Variants in TSHR observed in about 807,000 individuals in gnomAD.
TSHR encodes the protein thyroid stimulating hormone receptor.
Under a neutral mutation model 64.1 loss-of-function variants are expected in TSHR, and 51 were observed. The observed-to-expected ratio is 0.80, with a 90% CI of 0.64 to 1.01. The LOEUF (loss-of-function observed/expected upper bound fraction) is 1.01. TSHR is among the 50% of genes least tolerant of loss of function. TSHR has a pLI of 0.00. For missense variants in TSHR, 877 were observed against 942.8 expected (o/e 0.93, Z 0.91); for synonymous variants, 361 against 361.9 (o/e 1.00, Z 0.03).
intron 1 of TSHR, among the ~76,000 whole-genome samples, chr14:81,015,533 G>T (rs1306950355): frequency 2.0e-5 from 3 of 151,892 alleles, no homozygotes; most frequent in African/African-American, 7.3e-5. Flanking sequence ...TGTATTTATG[G>T]TGTACAACGT....
intron 1 of TSHR, among the ~76,000 whole-genome samples, chr14:81,004,926 C>T (rs1889515983): frequency 6.6e-6 from 1 of 152,202 alleles, no homozygotes. Flanking sequence ...CCTCATTTCT[C>T]TCCTACCTGG....
At chr14:81,101,460 T>A (rs1434104361) in intron 7 of TSHR, among the ~76,000 whole-genome samples, 3 of 152,226 alleles carry the variant, frequency 2.0e-5, no homozygotes, top group Non-Finnish European at 4.4e-5. Context: ...TTCTATAGCA[T>A]ATTTCTGGTC....
intron 1 of TSHR, among the ~76,000 whole-genome samples, chr14:81,015,387 A>G (rs1177014823): frequency 1.3e-5 from 2 of 152,164 alleles, no homozygotes; most frequent in African/African-American, 4.8e-5. Flanking sequence ...TCTAATGCAT[A>G]ATTTTCAAGA....
At chr14:81,099,412 G>C (rs1889429337) in intron 7 of TSHR, 1 of 152,096 alleles carries the variant, frequency 6.6e-6, no homozygotes, top group Non-Finnish European at 1.5e-5. Flanking sequence ...CCATCACCAA[G>C]GTGTGAACAT....
intron 9 of TSHR, 45 bp from the exon 10 acceptor site, chr14:81,142,895 C>T (rs1463089955): frequency 1.9e-6 from 3 of 1,566,148 alleles, no homozygotes; most frequent in South Asian, 1.1e-5. Flanking sequence ...CAGTCATGAG[C>T]CACTGCGCCC....
At chr14:81,026,995 C>T (rs1884094696) in intron 1 of TSHR, among the ~76,000 whole-genome samples, 2 of 147,572 alleles carry the variant, frequency 1.4e-5, no homozygotes. Flanking sequence ...AAGATCACGC[C>T]ACTGCACTCC....
chr14:81,056,277 C>T (rs921960780), intron 1 of TSHR, among the ~76,000 whole-genome samples: 3 of 152,088 alleles, frequency 2.0e-5, no homozygotes, highest in Admixed American at 1.3e-4. Context: ...TCTTCGCAGT[C>T]TCGGGTATGT....
At chr14:81,011,352 C>A (rs576006380) in intron 1 of TSHR, among the ~76,000 whole-genome samples, 1 of 151,940 alleles carries the variant, frequency 6.6e-6, no homozygotes, top group African/African-American at 2.4e-5. Context: ...ATAATTTATT[C>A]AGTTATTAGT....
intron 1 of TSHR, among the ~76,000 whole-genome samples, chr14:80,984,053 TAGAG>T (rs1423378808): frequency 1.3e-5 from 2 of 149,000 alleles, no homozygotes; most frequent in East Asian, 1.9e-4. Context: ...TAACAGTACC[TAGAG>T]AGAGAGTGAG....
intron 8 of TSHR, among the ~76,000 whole-genome samples, chr14:81,118,575 C>G (rs1015113688): frequency 1.3e-5 from 2 of 151,574 alleles, no homozygotes; most frequent in African/African-American, 4.9e-5. Flanking sequence ...TAGGAAGAAT[C>G]AATATTGTGA....
intron 1 of TSHR, among the ~76,000 whole-genome samples, chr14:80,972,123 A>T (rs1887617009): frequency 6.6e-6 from 1 of 152,164 alleles, no homozygotes; most frequent in Non-Finnish European, 1.5e-5. Flanking sequence ...CAAAACACCT[A>T]GTTCTTCAGT....
At chr14:81,037,018 C>G (rs1295933150) in intron 1 of TSHR, among the ~76,000 whole-genome samples, 1 of 151,974 alleles carries the variant, frequency 6.6e-6, no homozygotes, top group African/African-American at 2.4e-5. Context: ...TGGTGTGTGC[C>G]TGCAGTCCCA....
chr14:80,997,266 T>C (rs1041217596), intron 1 of TSHR, among the ~76,000 whole-genome samples: 4 of 152,190 alleles, frequency 2.6e-5, no homozygotes, highest in African/African-American at 9.7e-5. Context: ...CATATCACAG[T>C]TATATTGTAC....
intron 1 of TSHR, among the ~76,000 whole-genome samples, chr14:80,999,098 TAC>T (rs1307560007): frequency 1.3e-5 from 2 of 152,226 alleles, no homozygotes; most frequent in Non-Finnish European, 2.9e-5. Context: ...TCCGTGGACT[TAC>T]AGAGTTTTAG....
At chr14:81,029,243 A>G (rs1884224590) in intron 1 of TSHR, among the ~76,000 whole-genome samples, 1 of 151,586 alleles carries the variant, frequency 6.6e-6, no homozygotes, top group African/African-American at 2.4e-5. Context: ...CTTCAGCAAT[A>G]GGAATCTTCA....
chr14:80,963,412 C>A (rs942352317), intron 1 of TSHR, among the ~76,000 whole-genome samples: 2 of 152,152 alleles, frequency 1.3e-5, no homozygotes, highest in South Asian at 2.1e-4. Flanking sequence ...CAGAAAATAT[C>A]TTTTCTTTAC....
intron 1 of TSHR, among the ~76,000 whole-genome samples, chr14:80,967,864 G>A (rs1240555811): frequency 6.6e-6 from 1 of 152,150 alleles, no homozygotes; most frequent in East Asian, 1.9e-4. Context: ...GGTAGGATGG[G>A]GAAGTGAAGC....
intron 4 of TSHR, among the ~76,000 whole-genome samples, chr14:81,090,415 T>C (rs1888631617): frequency 6.6e-6 from 1 of 152,208 alleles, no homozygotes; most frequent in Non-Finnish European, 1.5e-5. Context: ...CAGCTAATTT[T>C]TGTATTTTTA....
chr14:81,103,028 A>T lies in TSHR; in HGVS notation c.615-5347A>T, dbSNP rs1025581275. The T allele has an allele frequency of 1.0e-6, 1 of 985,314 alleles. No homozygotes were observed. The highest frequency in any genetic ancestry group is 1.7e-5 in the African/African-American group (1 of 57,222). 61.0% of individuals were successfully genotyped at this position (985,314 alleles called of 1,614,324 possible). A position where few individuals can be genotyped will look rare whatever the true frequency, so the allele number is the denominator to read the frequency against. On this transcript the variant is annotated intron_variant, in intron 7 of 9. Coordinates refer to ENST00000298171, the MANE Select transcript of TSHR (RefSeq NM_000369.5). The surrounding 1 kb of genome is among the most constrained non-coding windows in gnomAD (Gnocchi z 4.1). ...AGTTTCTGACTCCTAGTCAATAGAA[A>T]TTTATTCTTTCCTAGATTTAAGCAC... is the stretch of plus-strand genomic sequence containing the variant.
Sources: allele counts gnomAD v4.1 joint callset (sites outside exome capture counted in the v4.1 genomes callset), GRCh38; gene constraint gnomAD v4.1.1; non-coding constraint Gnocchi (gnomAD v3.1); transcripts MANE v1.5; gene names NCBI Gene and HGNC (gene_info 2026-07-23, HGNC 2026-07-21).